Variants in MACROD2 observed in about 807,000 individuals in gnomAD.
MACROD2 encodes the protein ADP-ribose glycohydrolase MACROD2.
In MACROD2, 36 loss-of-function variants were observed where a neutral mutation model predicts 70.4. The observed-to-expected ratio is 0.51, with a 90% confidence interval of 0.39 to 0.68. The LOEUF (loss-of-function observed/expected upper bound fraction) is 0.68. Among genes scored for constraint, MACROD2 ranks in the 30% least tolerant of loss-of-function variants. MACROD2 has a pLI of 0.00. For synonymous variants in MACROD2, 172 were observed against 178.8 expected, an observed-to-expected ratio of 0.96 and a Z score of 0.30; for missense variants, 496 against 538.4, an observed-to-expected ratio of 0.92 and a Z score of 0.78.
At chr20:15,693,813 G>C (rs1363176025) in intron 8 of MACROD2, among the ~76,000 whole-genome samples, 1 of 151,696 alleles carries the variant, frequency 6.6e-6, no homozygotes, top group Non-Finnish European at 1.5e-5. Flanking sequence ...TGCACATATC[G>C]CCTGAGCAGT....
chr20:14,959,916 G>A (rs1294107045), intron 5 of MACROD2, among the ~76,000 whole-genome samples: 1 of 152,156 alleles, frequency 6.6e-6, no homozygotes, highest in Non-Finnish European at 1.5e-5. Flanking sequence ...CTTAGGCCTA[G>A]ATCAGTCTAG....
intron 8 of MACROD2, among the ~76,000 whole-genome samples, chr20:15,823,770 A>G (rs2147106521): frequency 6.6e-6 from 1 of 152,282 alleles, no homozygotes; most frequent in South Asian, 2.1e-4. Flanking sequence ...ATTGTCAGAA[A>G]ATGTCCTCGT....
At chr20:14,014,289 T>A (rs2052956979) in intron 2 of MACROD2, among the ~76,000 whole-genome samples, 1 of 141,800 alleles carries the variant, frequency 7.1e-6, no homozygotes. Context: ...TTCTTTCAGA[T>A]GTATTCATTT....
chr20:16,023,434 A>C (rs865784282), intron 15 of MACROD2, among the ~76,000 whole-genome samples: 5 of 140,030 alleles, frequency 3.6e-5, no homozygotes, highest in African/African-American at 5.3e-5. Context: ...AGATCCTGTC[A>C]CTGCACTCCA....
intron 10 of MACROD2, chr20:15,893,974 G>A: frequency 2.2e-6 from 1 of 456,184 alleles, no homozygotes; most frequent in Non-Finnish European, 4.4e-6. Flanking sequence ...GTCCTGCACT[G>A]GGCAGGAATA....
At chr20:15,938,659 C>A (rs1050142135) in intron 12 of MACROD2, among the ~76,000 whole-genome samples, 5 of 152,032 alleles carry the variant, frequency 3.3e-5, no homozygotes, top group African/African-American at 1.2e-4. Context: ...AATTAATAGA[C>A]CTACAATGGC....
intron 3 of MACROD2, among the ~76,000 whole-genome samples, chr20:14,417,042 T>C (rs566082955): frequency 1.5e-5 from 2 of 132,714 alleles, no homozygotes; most frequent in Admixed American, 8.1e-5. Context: ...TATATATCTA[T>C]CTATTATCTA....
At chr20:15,654,960 G>T (rs1260364744) in intron 8 of MACROD2, among the ~76,000 whole-genome samples, 2 of 152,162 alleles carry the variant, frequency 1.3e-5, no homozygotes, top group Non-Finnish European at 2.9e-5. Context: ...AGAGATGAAG[G>T]TGGAGGCCGC....
At chr20:14,873,724 T>A (rs1298767582) in intron 5 of MACROD2, among the ~76,000 whole-genome samples, 3 of 151,952 alleles carry the variant, frequency 2.0e-5, no homozygotes, top group Non-Finnish European at 4.4e-5. Context: ...CCAGGTGTGG[T>A]GGCGGGCCTC....
At chr20:14,639,660 G>T (rs1437564049) in intron 4 of MACROD2, among the ~76,000 whole-genome samples, 1 of 152,088 alleles carries the variant, frequency 6.6e-6, no homozygotes, top group Admixed American at 6.5e-5. Flanking sequence ...AAGTCTACAG[G>T]CTTCTCTAAT....
chr20:14,504,965 T>C (rs1031493585), intron 4 of MACROD2, among the ~76,000 whole-genome samples: 2 of 152,198 alleles, frequency 1.3e-5, no homozygotes, highest in Non-Finnish European at 2.9e-5. Flanking sequence ...AAATGTTGCA[T>C]AAATATATTA....
chr20:15,881,159 TATAAAAA>T, intron 9 of MACROD2, among the ~76,000 whole-genome samples: 1 of 152,090 alleles, frequency 6.6e-6, no homozygotes, highest in African/African-American at 2.4e-5. Flanking sequence ...CAAAAATAGT[TATAAAAA>T]TGACATTATA....
chr20:15,389,915 A>G (rs1461377081), intron 6 of MACROD2, among the ~76,000 whole-genome samples: 1 of 152,220 alleles, frequency 6.6e-6, no homozygotes, highest in Admixed American at 6.5e-5. Flanking sequence ...CAGGGTAAAT[A>G]ATGGAAAAAC....
chr20:14,319,137 A>T (rs1365010478), intron 3 of MACROD2, among the ~76,000 whole-genome samples: 2 of 152,118 alleles, frequency 1.3e-5, no homozygotes, highest in African/African-American at 4.8e-5. Flanking sequence ...ACCTAATCCC[A>T]TCATCTTCTC....
intron 5 of MACROD2, among the ~76,000 whole-genome samples, chr20:14,786,373 G>A (rs1179493910): frequency 6.6e-6 from 1 of 152,068 alleles, no homozygotes; most frequent in Non-Finnish European, 1.5e-5. Context: ...CAAATCCTTT[G>A]TTAACATGAC....
At chr20:14,527,309 G>T (rs1271900104) in intron 4 of MACROD2, among the ~76,000 whole-genome samples, 1 of 152,166 alleles carries the variant, frequency 6.6e-6, no homozygotes, top group Non-Finnish European at 1.5e-5. Flanking sequence ...GGCAGACCAG[G>T]GTGGTCTTGG....
chr20:14,302,977 G>A (rs916189844), intron 3 of MACROD2, among the ~76,000 whole-genome samples: 1 of 152,038 alleles, frequency 6.6e-6, no homozygotes. Context: ...AGTGGTGAAA[G>A]TATAAAATTA....
At chr20:15,124,474 A>C (rs559442684) in intron 5 of MACROD2, among the ~76,000 whole-genome samples, 2 of 151,946 alleles carry the variant, frequency 1.3e-5, no homozygotes, top group Non-Finnish European at 2.9e-5. Flanking sequence ...CATATAGATT[A>C]AGGGAAACTA....
At chr20:14,468,492 T>C (rs1600271206) in intron 3 of MACROD2, among the ~76,000 whole-genome samples, 2 of 147,992 alleles carry the variant, frequency 1.4e-5, no homozygotes, top group South Asian at 4.5e-4. Context: ...ATTCCTTTAT[T>C]TTGAGCCTCT....
Sources: gnomAD v4.1 joint callset for allele counts (sites outside exome capture counted in the v4.1 genomes callset) on GRCh38, gnomAD v4.1.1 for gene constraint, MANE v1.5 for transcripts, NCBI Gene and HGNC (gene_info 2026-07-23, HGNC 2026-07-21) for gene names.